Variants in ATG5 observed in about 807,000 individuals in gnomAD.
ATG5 encodes autophagy related 5, also known as autophagy protein 5.
ATG5 carries 14 observed loss-of-function variants against 36.5 expected under a neutral mutation model. The ratio of observed to expected loss-of-function variants is 0.38; its 90% CI spans 0.25 to 0.60. The LOEUF (loss-of-function observed/expected upper bound fraction) is 0.60. Among genes scored for constraint, ATG5 ranks in the 20% least tolerant of loss-of-function variants. ATG5 has a pLI of 0.60. For synonymous variants in ATG5, 95 were observed against 101.5 expected (o/e 0.94, Z 0.38); for missense variants, 195 against 326.7 (o/e 0.60, Z 3.11).
At chr6:106,224,366 G>A (rs551854976) in intron 6 of ATG5, among the ~76,000 whole-genome samples, 1 of 152,314 alleles carries the variant, frequency 6.6e-6, no homozygotes, top group African/African-American at 2.4e-5. Flanking sequence ...CAAATGGCAA[G>A]AAGGGAATAA....
intron 3 of ATG5, 149 bp from the exon 4 acceptor site, chr6:106,293,255 T>G: frequency 1.5e-6 from 1 of 661,272 alleles, no homozygotes; most frequent in Non-Finnish European, 2.6e-6. Flanking sequence ...GTTACGTGCC[T>G]AGGCTAGTAT....
At chr6:106,189,856 A>G (rs1775905684) in intron 7 of ATG5, among the ~76,000 whole-genome samples, 1 of 152,172 alleles carries the variant, frequency 6.6e-6, no homozygotes, top group Non-Finnish European at 1.5e-5. Flanking sequence ...AGGTTTTTAA[A>G]AAAAGCTAGC....
At position 106,187,151 on chromosome 6, in the gene ATG5, A is replaced by AG. The variant is rs1454425681; in HGVS notation, c.692-476dup. Reference sequence around the variant, plus strand: ...GTATTTGAGATGTTTAGTAAGACACAGGTGAGCTTTAGTTGTTTTCAGTAA... The same window carrying AG: ...GTATTTGAGATGTTTAGTAAGACACAGGGTGAGCTTTAGTTGTTTTCAGTAA... On this transcript the variant is annotated intron_variant, in intron 7 of 7. Transcript: ENST00000369076. 9.2e-5 allele frequency among the ~76,000 whole-genome samples: 14 copies of AG among 152,346 alleles called. No individual in the cohort carries two copies. The East Asian group carries it at 2.5e-3, about 27-fold the overall frequency.
chr6:106,235,445 TC>T (rs1274005325), intron 6 of ATG5, among the ~76,000 whole-genome samples: 3 of 151,860 alleles, frequency 2.0e-5, no homozygotes, highest in African/African-American at 4.8e-5. Flanking sequence ...TCAGCCAACC[TC>T]CCCAACAGCA....
chr6:106,197,838 C>T (rs546189509), intron 7 of ATG5, among the ~76,000 whole-genome samples: 5 of 152,046 alleles, frequency 3.3e-5, no homozygotes, highest in Non-Finnish European at 7.4e-5. Flanking sequence ...TATAGCAACA[C>T]AAACAGACTA....
At chr6:106,241,508 A>T (rs1458269228) in intron 6 of ATG5, among the ~76,000 whole-genome samples, 1 of 152,240 alleles carries the variant, frequency 6.6e-6, no homozygotes, top group Non-Finnish European at 1.5e-5. Flanking sequence ...ACCCCAAATA[A>T]CTGAAAACAG....
intron 5 of ATG5, among the ~76,000 whole-genome samples, chr6:106,272,197 CT>C (rs1176886568): frequency 6.6e-6 from 1 of 152,218 alleles, no homozygotes; most frequent in African/African-American, 2.4e-5. Context: ...CCACTTGGTC[CT>C]TTTCAATTCC....
chr6:106,271,079 C>T (rs1779435469), intron 5 of ATG5, among the ~76,000 whole-genome samples: 1 of 152,320 alleles, frequency 6.6e-6, no homozygotes, highest in African/African-American at 2.4e-5. Context: ...CATCTCATCA[C>T]TCCCCTGCTT....
At chr6:106,286,958 A>G (rs751401645) in intron 4 of ATG5, among the ~76,000 whole-genome samples, 83 of 152,352 alleles carry the variant, frequency 5.4e-4, no homozygotes, top group Non-Finnish European at 5.9e-5. Context: ...TAGGCAGAAG[A>G]TCCAGGTATA....
intron 6 of ATG5, among the ~76,000 whole-genome samples, chr6:106,234,035 A>G (rs566315089): frequency 2.6e-5 from 4 of 152,310 alleles, no homozygotes; most frequent in African/African-American, 4.8e-5. Flanking sequence ...TTGGACAGGG[A>G]AAATGATTAA....
chr6:106,199,712 G>GTTTA (rs1044444944), intron 7 of ATG5, among the ~76,000 whole-genome samples: 1 of 152,148 alleles, frequency 6.6e-6, no homozygotes, highest in Admixed American at 6.5e-5. Flanking sequence ...AAATTACACA[G>GTTTA]TAGTAAAGAT....
intron 6 of ATG5, among the ~76,000 whole-genome samples, chr6:106,247,086 A>G (rs1288050541): frequency 6.6e-6 from 1 of 152,220 alleles, no homozygotes; most frequent in Non-Finnish European, 1.5e-5. Flanking sequence ...CTCTCTGAAC[A>G]CATAGTTATG....
In ATG5 at chr6:106,236,037, AT is replaced by A. The variant is rs1430590023; in HGVS notation, c.573+12112del. Among the ~76,000 whole-genome samples, 8 of 152,084 alleles carry A rather than the reference AT, an allele frequency of 5.3e-5. No homozygotes were observed. In the East Asian group the frequency reaches 1.5e-3, roughly 29 times the overall value. On this transcript the variant is annotated intron_variant, in intron 6 of 7. Coordinates refer to ENST00000369076, the MANE Select transcript of ATG5 (RefSeq NM_004849.4). ...CCCAGACCTTGGCCTCAGAAGAATCATTTTTTTGTCACTACATATTAGTTTT... is the reference window on the plus strand; with the variant it reads ...CCCAGACCTTGGCCTCAGAAGAATCATTTTTTGTCACTACATATTAGTTTT...
chr6:106,238,821 G>T (rs1185527053), intron 6 of ATG5, among the ~76,000 whole-genome samples: 2 of 152,132 alleles, frequency 1.3e-5, no homozygotes. Context: ...AGTAAAATGG[G>T]TAGTATTTTT....
At chr6:106,325,103 G>C (rs1236399673) in intron 1 of ATG5, among the ~76,000 whole-genome samples, 4 of 152,214 alleles carry the variant, frequency 2.6e-5, no homozygotes, top group Non-Finnish European at 5.9e-5. Context: ...ACTAAATATT[G>C]TTATTGAGAC....
chr6:106,264,829 A>G (rs1470164135), intron 5 of ATG5, among the ~76,000 whole-genome samples: 1 of 152,198 alleles, frequency 6.6e-6, no homozygotes, highest in Non-Finnish European at 1.5e-5. Context: ...GCCCTACAAG[A>G]GCTCCTGAAG....
intron 6 of ATG5, among the ~76,000 whole-genome samples, chr6:106,205,824 T>A (rs1317890938): frequency 6.6e-6 from 1 of 152,184 alleles, no homozygotes; most frequent in African/African-American, 2.4e-5. Flanking sequence ...TGTAGAATGG[T>A]AAAAACAAGA....
chr6:106,221,685 C>CAAAAAA (rs11442463), intron 6 of ATG5, among the ~76,000 whole-genome samples: 1 of 70,940 alleles, frequency 1.4e-5, no homozygotes, highest in African/African-American at 5.0e-5. Flanking sequence ...GACCCTGTCT[C>CAAAAAA]AAAAAAAAAA....
At chr6:106,221,685 C>CA (rs11442463) in intron 6 of ATG5, among the ~76,000 whole-genome samples, 16,215 of 70,420 alleles carry the variant, frequency 0.23, 1,355 homozygotes, top group East Asian at 0.46. Flanking sequence ...GACCCTGTCT[C>CA]AAAAAAAAAA....
Sources: gnomAD v4.1 joint callset for allele counts (sites outside exome capture counted in the v4.1 genomes callset) on GRCh38, gnomAD v4.1.1 for gene constraint, MANE v1.5 for transcripts, NCBI Gene and HGNC (gene_info 2026-07-23, HGNC 2026-07-21) for gene names.